EXOC6B: variants seen among roughly 807,000 people sequenced by gnomAD.
EXOC6B encodes exocyst complex component 6B.
Under a neutral mutation model 113.5 loss-of-function variants are expected in EXOC6B, and 54 were observed. The ratio of observed to expected loss-of-function variants is 0.48; its 90% CI spans 0.38 to 0.60. EXOC6B has a LOEUF of 0.60. Among genes scored for constraint, EXOC6B ranks in the 20% least tolerant of loss-of-function variants. EXOC6B has a pLI of 0.00. For missense variants in EXOC6B, 797 were observed against 977.5 expected (o/e 0.82, Z 2.46); for synonymous variants, 357 against 339.0 (o/e 1.05, Z -0.58).
Position 72,825,816 on chromosome 2 carries a change from C to T in EXOC6B, c.95G>A (p.Cys32Tyr), listed in dbSNP as rs199971136. 8.7e-6 allele frequency: 14 copies of T among 1,613,128 alleles called. No individual in the cohort carries two copies. The East Asian group carries it at 3.1e-4, about 36-fold the overall frequency. Reference sequence around the variant, plus strand: ...GGGGTACCTGAGCGTGGGCCCGATGCAGGCCGTGTCAGTGCTCTCGATCTC... The same window carrying T: ...GGGGTACCTGAGCGTGGGCCCGATGTAGGCCGTGTCAGTGCTCTCGATCTC... Reference protein sequence around the residue: ...LREIESTDTACIGPTLRSVYD... With the variant: ...LREIESTDTAYIGPTLRSVYD... The change falls in exon 1 of 22, where the codon TGC becomes TAC. Residue 32 changes from cysteine (C) to tyrosine (Y), a missense_variant. Cys to Tyr is a radical substitution (Grantham distance 194). Transcript: ENST00000272427. The surrounding 1 kb of genome is among the most constrained non-coding windows in gnomAD (Gnocchi z 4.4).
intron 5 of EXOC6B, among the ~76,000 whole-genome samples, chr2:72,727,539 G>C (rs908965654): frequency 1.3e-5 from 2 of 152,112 alleles, no homozygotes; most frequent in Admixed American, 1.3e-4. Flanking sequence ...GGCAAAACTT[G>C]AATTGGGTAT....
In EXOC6B at chr2:72,544,780, C is replaced by A. The variant is rs533835988; in HGVS notation, c.915+14673G>T. Among the ~76,000 whole-genome samples the A allele has an allele frequency of 5.3e-5, 8 of 152,144 alleles. No individual in the cohort carries two copies. The South Asian group carries it at 1.7e-3, about 32-fold the overall frequency. On this transcript the variant is annotated intron_variant, in intron 8 of 21. Transcript: ENST00000272427. ...CTGAATCATCAAATTGTATCTCTGG[C>A]AATGCTAGACTTCTAAATACACCAT...
chr2:72,207,185 A>G (rs1679890562), intron 20 of EXOC6B, among the ~76,000 whole-genome samples: 1 of 152,246 alleles, frequency 6.6e-6, no homozygotes, highest in Non-Finnish European at 1.5e-5. Context: ...ACTAACTTGA[A>G]CAAATCCCTT....
chr2:72,262,680 A>C (rs1334341439), intron 20 of EXOC6B, among the ~76,000 whole-genome samples: 2 of 151,984 alleles, frequency 1.3e-5, no homozygotes. Flanking sequence ...GTTCAAGAGC[A>C]CTGAGCAAAA....
chr2:72,621,886 G>T (rs981645854), intron 6 of EXOC6B, among the ~76,000 whole-genome samples: 1 of 151,848 alleles, frequency 6.6e-6, no homozygotes, highest in Non-Finnish European at 1.5e-5. Context: ...ATTTTAATGT[G>T]GACCAATAAA....
chr2:72,315,457 T>C (rs1466184091), intron 20 of EXOC6B, among the ~76,000 whole-genome samples: 2 of 152,152 alleles, frequency 1.3e-5, no homozygotes, highest in South Asian at 2.1e-4. Flanking sequence ...AGAGGAATGA[T>C]ATGATCTGAC....
rs113897717 is a variant in EXOC6B, at chr2:72,254,620, G to A, written c.2197-70433C>T. On this transcript the variant is annotated intron_variant, in intron 20 of 21. Coordinates refer to ENST00000272427, the MANE Select transcript of EXOC6B (RefSeq NM_015189.3). The stretch of plus-strand genomic sequence containing the variant: ...TACCTAAACATGTAGAAGTGGCTAT[G>A]GAATTGGGGAATGTGCAGAGGCTGG... 3.3e-5 allele frequency among the ~76,000 whole-genome samples: 5 copies of A among 152,356 alleles called. 1 individual carries two copies. The highest frequency in any genetic ancestry group is 1.2e-4 in the African/African-American group (5 of 41,590).
intron 1 of EXOC6B, among the ~76,000 whole-genome samples, chr2:72,793,538 G>A (rs573593417): frequency 6.6e-6 from 1 of 152,110 alleles, no homozygotes. Context: ...GATATGAACA[G>A]GTATGGTCTT....
intron 6 of EXOC6B, among the ~76,000 whole-genome samples, chr2:72,656,918 C>T (rs948352663): frequency 9.9e-5 from 15 of 152,224 alleles, no homozygotes; most frequent in Admixed American, 7.2e-4. Flanking sequence ...GTGGAGTGAT[C>T]TCGGCTCACT....
rs1479004343 is a variant in EXOC6B at position 72,555,197 on chromosome 2, A to C, written c.915+4256T>G. Among the ~76,000 whole-genome samples the C allele has an allele frequency of 2.0e-5, 3 of 152,196 alleles. No homozygotes were observed. In the East Asian group the frequency reaches 5.8e-4, roughly 29 times the overall value. On this transcript the variant is annotated intron_variant, in intron 8 of 21. Coordinates refer to ENST00000272427, the MANE Select transcript of EXOC6B (RefSeq NM_015189.3). ...TGTTTCCAAGTTTTTGCTATTGTGA[A>C]CAGTGCCACAATAAACATACTTGTG...
intron 11 of EXOC6B, among the ~76,000 whole-genome samples, chr2:72,503,442 T>C (rs1398630424): frequency 6.6e-6 from 1 of 152,216 alleles, no homozygotes; most frequent in African/African-American, 2.4e-5. Context: ...GTTGGGATCA[T>C]ATAGTATGTA....
chr2:72,604,837 T>G (rs1049908646), intron 6 of EXOC6B, among the ~76,000 whole-genome samples: 1 of 152,238 alleles, frequency 6.6e-6, no homozygotes, highest in Non-Finnish European at 1.5e-5. Context: ...TTACACAAAT[T>G]ATTTCTTCCC....
At chr2:72,181,859 T>G (rs1180587881) in intron 21 of EXOC6B, among the ~76,000 whole-genome samples, 1 of 152,174 alleles carries the variant, frequency 6.6e-6, no homozygotes, top group African/African-American at 2.4e-5. Flanking sequence ...AAGTCAGCCC[T>G]CCCACCTTCC....
At chr2:72,231,760 A>C (rs1213005544) in intron 20 of EXOC6B, among the ~76,000 whole-genome samples, 2 of 152,216 alleles carry the variant, frequency 1.3e-5, no homozygotes, top group Non-Finnish European at 2.9e-5. Flanking sequence ...CAAAAATGCA[A>C]ATCAAAAGAA....
At chr2:72,602,125 G>A (rs1310617225) in intron 6 of EXOC6B, among the ~76,000 whole-genome samples, 1 of 152,156 alleles carries the variant, frequency 6.6e-6, no homozygotes, top group African/African-American at 2.4e-5. Flanking sequence ...CTGCTGAAAT[G>A]TAGGTTCAGG....
Position 72,557,566 on chromosome 2 carries a change from A to G in EXOC6B, c.915+1887T>C, listed in dbSNP as rs1032727203. Among the ~76,000 whole-genome samples, 4 of 152,278 alleles carry G rather than the reference A, an allele frequency of 2.6e-5. No individual in the cohort carries two copies. The East Asian group carries it at 7.7e-4, about 29-fold the overall frequency. On this transcript the variant is annotated intron_variant, in intron 8 of 21. Transcript: ENST00000272427. ...GCAGGAACAGAAAAACAAATATCCC[A>G]TGTTCTCACTTATAAGTGGGGGCTA...
intron 18 of EXOC6B, among the ~76,000 whole-genome samples, chr2:72,426,549 T>C (rs1222818971): frequency 6.6e-6 from 1 of 152,154 alleles, no homozygotes; most frequent in Non-Finnish European, 1.5e-5. Flanking sequence ...TGTGCTTGAG[T>C]TTCTCTACTT....
At chr2:72,265,408 C>T (rs1297827240) in intron 20 of EXOC6B, among the ~76,000 whole-genome samples, 3 of 146,012 alleles carry the variant, frequency 2.1e-5, no homozygotes. Context: ...CCCCCCTCCC[C>T]GCACCCCACA....
intron 1 of EXOC6B, among the ~76,000 whole-genome samples, chr2:72,772,392 T>C (rs571168206): frequency 7.2e-5 from 11 of 152,176 alleles, no homozygotes; most frequent in African/African-American, 2.6e-4. Context: ...GCCTGCCCAA[T>C]AGAACCTGGT....
Sources: gnomAD v4.1 joint callset for allele counts (sites outside exome capture counted in the v4.1 genomes callset) on GRCh38, gnomAD v4.1.1 for gene constraint, Gnocchi (gnomAD v3.1) non-coding constraint, MANE v1.5 for transcripts, NCBI Gene and HGNC (gene_info 2026-07-23, HGNC 2026-07-21) for gene names.